MOB1B: variants seen among roughly 807,000 people sequenced by gnomAD.
MOB1B encodes MOB kinase activator 1B, also known as MOB1 Mps One Binder homolog B.
In MOB1B, 19 loss-of-function variants were observed where a neutral mutation model predicts 24.4. The ratio of observed to expected loss-of-function variants is 0.78; its 90% CI spans 0.54 to 1.14. MOB1B has a LOEUF of 1.14. Among genes scored for constraint, MOB1B ranks in the 50% most tolerant of loss-of-function variants. MOB1B has a pLI of 0.00. For missense variants in MOB1B, 243 were observed against 259.6 expected, an observed-to-expected ratio of 0.94 and a Z score of 0.44; for synonymous variants, 76 against 82.1, an observed-to-expected ratio of 0.93 and a Z score of 0.40.
chr4:70,954,196 C>T (rs1452146608), intron 1 of MOB1B, among the ~76,000 whole-genome samples: 3 of 152,144 alleles, frequency 2.0e-5, no homozygotes, highest in Non-Finnish European at 4.4e-5. Context: ...TTTAGCATTG[C>T]ACTACCATTT....
chr4:70,938,079 G>C (rs1393700165), intron 1 of MOB1B, among the ~76,000 whole-genome samples: 1 of 150,982 alleles, frequency 6.6e-6, no homozygotes, highest in African/African-American at 2.4e-5. Context: ...TTTCGATTTT[G>C]GTGTCGTCTC....
intron 2 of MOB1B, among the ~76,000 whole-genome samples, chr4:70,960,032 C>G (rs1488535441): frequency 6.6e-6 from 1 of 152,008 alleles, no homozygotes; most frequent in African/African-American, 2.4e-5. Flanking sequence ...TATAGGCACG[C>G]ACCACCATGT....
chr4:70,937,269 CT>C (rs1244664234), intron 1 of MOB1B, among the ~76,000 whole-genome samples: 4 of 147,846 alleles, frequency 2.7e-5, no homozygotes, highest in East Asian at 2.0e-4. Context: ...TATGGGACTT[CT>C]TTTTTTTTTC....
intron 1 of MOB1B, among the ~76,000 whole-genome samples, chr4:70,946,654 AACTG>A (rs1343416944): frequency 3.3e-5 from 5 of 152,202 alleles, no homozygotes; most frequent in Non-Finnish European, 5.9e-5. Flanking sequence ...GTAAACCAAA[AACTG>A]ACTGAGGCAG....
At chr4:70,953,065 A>G (rs1737881658) in intron 1 of MOB1B, among the ~76,000 whole-genome samples, 5 of 149,604 alleles carry the variant, frequency 3.3e-5, no homozygotes, top group Non-Finnish European at 5.9e-5. Context: ...GCCTCAGCCG[A>G]GTAGCTGGGA....
chr4:70,929,146 C>T (rs774682810), intron 1 of MOB1B, among the ~76,000 whole-genome samples: 28 of 151,528 alleles, frequency 1.8e-4, no homozygotes, highest in Middle Eastern at 6.8e-3. Context: ...ATTTCTGTCC[C>T]CTGTATTTCT....
chr4:70,971,050 T>A (rs1738733298), intron 3 of MOB1B, among the ~76,000 whole-genome samples: 1 of 152,264 alleles, frequency 6.6e-6, no homozygotes, highest in Non-Finnish European at 1.5e-5. Flanking sequence ...GTCACGGGAC[T>A]GTTTACTTTG....
intron 4 of MOB1B, chr4:70,975,890 T>C: frequency 2.5e-6 from 2 of 802,580 alleles, no homozygotes; most frequent in Non-Finnish European, 3.0e-6. Context: ...ATTTTATTTA[T>C]TTTAATCTAA....
At chr4:70,958,128 C>G (rs960950103) in intron 1 of MOB1B, among the ~76,000 whole-genome samples, 1 of 151,512 alleles carries the variant, frequency 6.6e-6, no homozygotes, top group Non-Finnish European at 1.5e-5. Context: ...CTGATACTTC[C>G]TATAATTGGG....
At chr4:70,914,933 A>G (rs983045501) in intron 1 of MOB1B, among the ~76,000 whole-genome samples, 1 of 152,194 alleles carries the variant, frequency 6.6e-6, no homozygotes, top group Non-Finnish European at 1.5e-5. Flanking sequence ...TGTGTGGTAC[A>G]TGTGTGACAG....
chr4:70,968,455 G>A (rs1453441145), intron 2 of MOB1B, among the ~76,000 whole-genome samples: 1 of 152,104 alleles, frequency 6.6e-6, no homozygotes. Context: ...GGGATTACAG[G>A]CATGCGCCAC....
intron 4 of MOB1B, 46 bp from the exon 5 acceptor site, chr4:70,979,079 CTTG>C (rs1470038583): frequency 2.7e-6 from 4 of 1,478,932 alleles, no homozygotes; most frequent in South Asian, 2.3e-5. Flanking sequence ...AACTCATTGT[CTTG>C]TTGTCATCTC....
At chr4:70,966,623 G>A (rs1403758456) in intron 2 of MOB1B, among the ~76,000 whole-genome samples, 3 of 151,098 alleles carry the variant, frequency 2.0e-5, no homozygotes, top group Non-Finnish European at 2.9e-5. Flanking sequence ...ATCCACCTGC[G>A]TCAGCCTCCC....
intron 1 of MOB1B, among the ~76,000 whole-genome samples, chr4:70,924,063 T>C (rs920652828): frequency 2.0e-4 from 31 of 152,036 alleles, no homozygotes; most frequent in Non-Finnish European, 5.9e-5. Context: ...GGAAAGGTAT[T>C]TTAAGGCAAC....
At chr4:70,941,663 C>G (rs929908585) in intron 1 of MOB1B, among the ~76,000 whole-genome samples, 5 of 152,288 alleles carry the variant, frequency 3.3e-5, no homozygotes, top group East Asian at 1.9e-4. Flanking sequence ...CCTTCTTTCC[C>G]TTACTCTGTT....
intron 2 of MOB1B, among the ~76,000 whole-genome samples, chr4:70,966,136 A>G (rs572098658): frequency 6.6e-6 from 1 of 152,352 alleles, no homozygotes; most frequent in South Asian, 2.1e-4. Flanking sequence ...TGAAATGAAC[A>G]TAGATGTAAA....
intron 3 of MOB1B, among the ~76,000 whole-genome samples, chr4:70,972,860 G>T (rs551649401): frequency 6.6e-6 from 1 of 152,130 alleles, no homozygotes; most frequent in Non-Finnish European, 1.5e-5. Flanking sequence ...TGCAAGCTCC[G>T]CCTCCTGGGT....
intron 1 of MOB1B, among the ~76,000 whole-genome samples, chr4:70,937,916 A>T (rs780949180): frequency 9.2e-5 from 14 of 151,952 alleles, no homozygotes; most frequent in Admixed American, 5.9e-4. Flanking sequence ...ATCATTTTTT[A>T]AAAAATTTCT....
rs1321470104 is a variant in MOB1B, at chr4:70,984,938, A to T, written c.*2881A>T. The T allele has an allele frequency of 6.6e-6, 1 of 152,090 alleles. No homozygotes were observed. The highest frequency in any genetic ancestry group is 1.5e-5 in the Non-Finnish European group (1 of 67,996). 9.4% of individuals were successfully genotyped at this position (152,090 alleles called of 1,614,324 possible). A position where few individuals can be genotyped will look rare whatever the true frequency, so the allele number is the denominator to read the frequency against. ...AGACTTTTAATTGCAGTCTCTTTCT[A>T]CCTTCCCTCTGTTAGTCATTTGTAA... On this transcript the variant is annotated 3_prime_UTR_variant, in exon 6 of 6. Transcript: ENST00000309395.
Sources: allele counts gnomAD v4.1 joint callset (sites outside exome capture counted in the v4.1 genomes callset), GRCh38; gene constraint gnomAD v4.1.1; transcripts MANE v1.5; gene names NCBI Gene and HGNC (gene_info 2026-07-23, HGNC 2026-07-21).